Variants in PDE1A observed in about 807,000 individuals in gnomAD.
The protein encoded by PDE1A is dual specificity calcium/calmodulin-dependent 3',5'-cyclic nucleotide phosphodiesterase 1A.
A neutral mutation model predicts 61.7 loss-of-function variants in PDE1A; 35 were observed. The observed-to-expected ratio is 0.57, with a 90% CI of 0.43 to 0.75. The LOEUF (loss-of-function observed/expected upper bound fraction) is 0.75, where lower values mean the gene tolerates loss of function less well. PDE1A is among the 30% of genes least tolerant of loss of function. The pLI is 0.00. For synonymous variants in PDE1A, 232 were observed against 213.2 expected (o/e 1.09, Z -0.77); for missense variants, 597 against 630.6 (o/e 0.95, Z 0.57).
the PDE1A span, among the ~76,000 whole-genome samples, chr2:182,687,628 T>A: frequency 6.6e-6 from 1 of 152,142 alleles, no homozygotes; most frequent in African/African-American, 2.4e-5. Context: ...CGAGCACCTC[T>A]CCTCCTCCAA....
At chr2:182,491,448 G>A (rs1419983994) in intron 2 of PDE1A, among the ~76,000 whole-genome samples, 1 of 152,194 alleles carries the variant, frequency 6.6e-6, no homozygotes, top group Non-Finnish European at 1.5e-5. Flanking sequence ...AAGGTACAAA[G>A]AATTGGAGGT....
the PDE1A span, among the ~76,000 whole-genome samples, chr2:182,661,618 G>A: frequency 6.6e-6 from 1 of 152,122 alleles, no homozygotes; most frequent in Non-Finnish European, 1.5e-5. Context: ...CTGGAAACGA[G>A]GGAAATAAAA....
At chr2:182,432,060 C>G (rs947439044) in intron 2 of PDE1A, among the ~76,000 whole-genome samples, 1 of 152,008 alleles carries the variant, frequency 6.6e-6, no homozygotes, top group Non-Finnish European at 1.5e-5. Context: ...ATAAAGATCC[C>G]TAGACTAAAG....
upstream of PDE1A, among the ~76,000 whole-genome samples, chr2:182,432,008 G>C (rs1268774393): frequency 2.0e-5 from 3 of 152,188 alleles, no homozygotes; most frequent in East Asian, 5.8e-4. Context: ...TAGGCTTATA[G>C]ATTATCTCCT....
At chr2:182,263,867 G>A (rs1285517276) in intron 2 of PDE1A, among the ~76,000 whole-genome samples, 1 of 152,036 alleles carries the variant, frequency 6.6e-6, no homozygotes, top group Non-Finnish European at 1.5e-5. Flanking sequence ...CTGCATAGAG[G>A]GCCTGTTAGA....
the PDE1A span, among the ~76,000 whole-genome samples, chr2:182,583,996 T>G: frequency 6.6e-6 from 1 of 152,214 alleles, no homozygotes; most frequent in Non-Finnish European, 1.5e-5. Context: ...AACCTCTGAT[T>G]TCCTGATAAG....
the PDE1A span, among the ~76,000 whole-genome samples, chr2:182,532,548 T>C: frequency 4.6e-5 from 7 of 152,140 alleles, no homozygotes; most frequent in Non-Finnish European, 8.8e-5. Context: ...TAACTGTAAA[T>C]GGACATAAGG....
intron 2 of PDE1A, among the ~76,000 whole-genome samples, chr2:182,454,232 A>T (rs1685737886): frequency 6.6e-6 from 1 of 152,200 alleles, no homozygotes; most frequent in South Asian, 2.1e-4. Context: ...GACCTCTTCA[A>T]GGAGAACTAC....
At chr2:182,573,947 TTA>T in the PDE1A span, among the ~76,000 whole-genome samples, 1 of 127,130 alleles carries the variant, frequency 7.9e-6, no homozygotes, top group Non-Finnish European at 1.6e-5. Context: ...TATTTATATA[TTA>T]TATATATTTA....
chr2:182,540,384 AAGCAGC>A, the PDE1A span, among the ~76,000 whole-genome samples: 49 of 77,506 alleles, frequency 6.3e-4, no homozygotes, highest in African/African-American at 1.7e-3. Flanking sequence ...AAAAAAAAAA[AAGCAGC>A]AGCAGCAGCA....
upstream of PDE1A, among the ~76,000 whole-genome samples, chr2:182,428,109 C>A (rs1031065995): frequency 7.9e-5 from 12 of 151,988 alleles, no homozygotes; most frequent in African/African-American, 2.9e-4. Flanking sequence ...CCGTTCTAAT[C>A]CAAACTAGGA....
intron 1 of PDE1A, among the ~76,000 whole-genome samples, chr2:182,384,302 T>C (rs1354090081): frequency 1.3e-5 from 2 of 150,678 alleles, no homozygotes; most frequent in Admixed American, 6.6e-5. Flanking sequence ...GAGGTTCCAG[T>C]GATTGACCCT....
At chr2:182,673,241 A>G in the PDE1A span, among the ~76,000 whole-genome samples, 2 of 152,226 alleles carry the variant, frequency 1.3e-5, no homozygotes, top group African/African-American at 2.4e-5. Context: ...TTTGTAATCA[A>G]TATGTTAGGC....
chr2:182,178,672 G>A (rs749993587), intron 13 of PDE1A, among the ~76,000 whole-genome samples: 1 of 152,084 alleles, frequency 6.6e-6, no homozygotes, highest in Non-Finnish European at 1.5e-5. Flanking sequence ...ATAGAGGAGG[G>A]GTGGCTGTGT....
the PDE1A span, among the ~76,000 whole-genome samples, chr2:182,529,254 A>G: frequency 3.1e-3 from 467 of 152,302 alleles, 1 homozygote; most frequent in African/African-American, 0.011. Flanking sequence ...TTTTGCATCA[A>G]TATGACCTGT....
chr2:182,387,999 T>G (rs1358001272), intron 1 of PDE1A, among the ~76,000 whole-genome samples: 1 of 151,934 alleles, frequency 6.6e-6, no homozygotes, highest in Non-Finnish European at 1.5e-5. Context: ...AGATATTCCA[T>G]GGAAATAGAA....
chr2:182,154,610 C>A (rs1190888576), intron 13 of PDE1A, among the ~76,000 whole-genome samples: 6 of 152,150 alleles, frequency 3.9e-5, no homozygotes, highest in Non-Finnish European at 8.8e-5. Flanking sequence ...AGGTCTCCTG[C>A]TTCTTGCCTC....
chr2:182,589,254 A>C, the PDE1A span, among the ~76,000 whole-genome samples: 1 of 111,606 alleles, frequency 9.0e-6, no homozygotes, highest in Non-Finnish European at 1.9e-5. Context: ...AAAGAAAAGA[A>C]GGAAGGGAGG....
At chr2:182,442,364 T>G (rs1451937741) in intron 2 of PDE1A, among the ~76,000 whole-genome samples, 1 of 151,978 alleles carries the variant, frequency 6.6e-6, no homozygotes, top group Non-Finnish European at 1.5e-5. Flanking sequence ...CCAAGAGAAC[T>G]GACAACTAAA....
Sources: allele counts gnomAD v4.1 joint callset (sites outside exome capture counted in the v4.1 genomes callset), GRCh38; gene constraint gnomAD v4.1.1; transcripts MANE v1.5; gene names NCBI Gene and HGNC (gene_info 2026-07-23, HGNC 2026-07-21).